Variants in IRAK1 observed in about 807,000 individuals in gnomAD.
IRAK1 encodes interleukin 1 receptor associated kinase 1, also known as interleukin-1 receptor-associated kinase 1.
Under a neutral mutation model 49.8 loss-of-function variants are expected in IRAK1, and 9 were observed. The observed-to-expected ratio is 0.18, with a 90% CI of 0.11 to 0.32. The LOEUF is 0.32. IRAK1 is among the 10% of genes least tolerant of loss of function. The probability of loss-of-function intolerance (pLI) is 1.00; values close to 1 mark genes in which losing one functional copy is unlikely to be tolerated. For synonymous variants in IRAK1, 282 were observed against 270.8 expected, an observed-to-expected ratio of 1.04 and a Z score of -0.41; for missense variants, 418 against 600.5, an observed-to-expected ratio of 0.70 and a Z score of 3.18.
In IRAK1 at chrX:154,019,204, G is replaced by A. The variant is rs2065763174; in HGVS notation, c.429C>T (p.Leu143=). The A allele has an allele frequency of 8.3e-7, 1 of 1,211,150 alleles. No homozygotes were observed. The highest frequency in any genetic ancestry group is 1.1e-6 in the Non-Finnish European group (1 of 895,237). ...ACAACCGGGCCCTCTTACCTGGGGA[G>A]AGGAAGGTGGAGGCTGAGGATGGCA... ...RKLPSSASTF[L]SPAFPGSQTH... is the part of the protein sequence containing the mutation. Residue 143 remains leucine, a synonymous_variant, in exon 3 of 14, where the codon CTC becomes CTT. Coordinates refer to ENST00000369980, the MANE Select transcript of IRAK1 (RefSeq NM_001569.4).
intron 10 of IRAK1, among the ~76,000 whole-genome samples, chrX:154,015,103 C>T (rs1356812449): frequency 1.8e-5 from 2 of 112,370 alleles, no homozygotes; most frequent in Non-Finnish European, 3.8e-5. Flanking sequence ...GCAGAGCGAA[C>T]GGCACATACT....
At chrX:154,012,010 T>C (rs976433754) in intron 13 of IRAK1, 93 bp from the exon 14 acceptor site, 5 of 721,255 alleles carry the variant, frequency 6.9e-6, no homozygotes, top group Non-Finnish European at 1.0e-5. Context: ...TGCTCCCTTA[T>C]CTCCTGGGGC....
Position 154,017,001 on chromosome X carries a change from T to C in IRAK1, c.976A>G (p.Ile326Val), listed in dbSNP as rs1015682750. 2.5e-6 allele frequency: 3 copies of C among 1,210,812 alleles called. No homozygotes were observed. Among genetic ancestry groups the C allele is most frequent in the Non-Finnish European group, 3.4e-6 (3 of 894,507 alleles). Residue 326 changes from isoleucine (I) to valine (V), a missense_variant, in exon 8 of 14, where the codon ATT becomes GTT. Physicochemically the swap from Ile to Val is conservative, Grantham distance 29. This residue lies in a region of IRAK1 where 377 missense variants were observed against 499.5 expected (regional missense o/e 0.75). Transcript: ENST00000369980. ...GGGCTGTCCTGATGTAGAAACTGAA[T>C]TGCCCGGGCTGTACCCAGAAGGATG... ...LDILLGTARA[I>V]QFLHQDSPSL... is the part of the protein sequence containing the mutation.
In IRAK1 at chrX:154,011,701, A is replaced by T; in HGVS notation, c.*158T>A. 1.8e-6 allele frequency: 1 copy of T among 555,630 alleles called. No homozygotes were observed. Among genetic ancestry groups the T allele is most frequent in the Admixed American group, 2.6e-5 (1 of 38,619 alleles). 45.8% of individuals were successfully genotyped at this position (555,630 alleles called of 1,213,427 possible). A position where few individuals can be genotyped will look rare whatever the true frequency, so the allele number is the denominator to read the frequency against. ...GGTTCCACTCTGCCTGCCTATGCCC[A>T]CAGAGCCTAGAACAGCAGGGCCACC... On this transcript the variant is annotated 3_prime_UTR_variant, in exon 14 of 14. Coordinates refer to ENST00000369980, the MANE Select transcript of IRAK1 (RefSeq NM_001569.4).
rs1217087930 is a variant in IRAK1 at position 154,010,616 on chromosome X, T to C, written c.*1243A>G. ...CTGAACACAAAATCACTGTGAAGCC[T>C]GTGCTACAGCCCTGGGCTACTTTTG... On this transcript the variant is annotated 3_prime_UTR_variant, in exon 14 of 14. Coordinates refer to ENST00000369980, the MANE Select transcript of IRAK1 (RefSeq NM_001569.4). 1 of 171,673 alleles carries C rather than the reference T, an allele frequency of 5.8e-6. No homozygotes were observed. The highest frequency in any genetic ancestry group is 1.1e-5 in the Non-Finnish European group (1 of 87,799). 14.1% of individuals were successfully genotyped at this position (171,673 alleles called of 1,213,427 possible).
rs2065690403 is a variant in IRAK1 at position 154,010,579 on chromosome X, T to C, written c.*1280A>G. ...TGCCCAGCTTCACGGGGGCATGTAG[T>C]GTGACTCACGGCTGAACACAAAATC... is the stretch of plus-strand genomic sequence containing the variant. On this transcript the variant is annotated 3_prime_UTR_variant, in exon 14 of 14. Coordinates refer to ENST00000369980, the MANE Select transcript of IRAK1 (RefSeq NM_001569.4). 1 of 147,915 alleles carries C rather than the reference T, an allele frequency of 6.8e-6. No homozygotes were observed. The highest frequency in any genetic ancestry group is 1.3e-5 in the Non-Finnish European group (1 of 74,138). The allele number at this position is 147,915 out of a possible 1,213,427, so 12.2% of individuals were successfully genotyped here.
At position 154,019,651 on chromosome X, in the gene IRAK1, C is replaced by T. The variant is rs782360335; in HGVS notation, c.136+26G>A. 19 of 956,004 alleles carry T rather than the reference C, an allele frequency of 2.0e-5. 1 individual carries two copies. The highest frequency in any genetic ancestry group is 4.3e-5 in the East Asian group (1 of 23,002). The allele number at this position is 956,004 out of a possible 1,213,427, so 78.8% of individuals were successfully genotyped here. On this transcript the variant is annotated intron_variant, in intron 1 of 13. Coordinates refer to ENST00000369980, the MANE Select transcript of IRAK1 (RefSeq NM_001569.4). ...GCGCCAGGAGCCCGCGCGCCTCCCG[C>T]CCCCCGGCAGCCCGCCGCCACCCAC...
chrX:154,016,771 C>T (rs1356690381), intron 8 of IRAK1, 127 bp from the exon 9 acceptor site: 25 of 649,835 alleles, frequency 3.8e-5, no homozygotes, highest in African/African-American at 1.5e-4. Context: ...CTGCCCTGAG[C>T]GCTCCAGCTG....
At chrX:154,017,202 G>A (rs1304963680) in intron 7 of IRAK1, 135 bp from the exon 8 acceptor site, 23 of 477,668 alleles carry the variant, frequency 4.8e-5, no homozygotes, top group Non-Finnish European at 4.8e-5. Context: ...TCTGGAAAAC[G>A]AGGAGCAAAG....
rs2148639056 is a variant in IRAK1 at position 154,014,100 on chromosome X, C to G, written c.1481G>C (p.Gly494Ala). 8.4e-7 allele frequency: 1 copy of G among 1,189,590 alleles called. No individual in the cohort carries two copies. Among genetic ancestry groups the G allele is most frequent in the Non-Finnish European group, 1.1e-6 (1 of 888,469 alleles). Residue 494 changes from glycine (G) to alanine (A), a missense_variant, in exon 11 of 14, where the codon GGC (glycine) becomes GCC (alanine). By Grantham distance (60) the Gly-to-Ala change is moderately conservative (BLOSUM62 0). Coordinates refer to ENST00000369980, the MANE Select transcript of IRAK1 (RefSeq NM_001569.4). ...GTGCAGGCAGCAGCAGGCCAGCTGG[C>G]CCAGGCCCAGGCCCAGCTCAGGTGG... Reference protein sequence around the residue: ...PCPPELGLGLGQLACCCLHRR... With the variant: ...PCPPELGLGLAQLACCCLHRR...
Position 154,011,728 on chromosome X carries a change from C to T in IRAK1, c.*131G>A. 1.6e-6 allele frequency: 1 copy of T among 638,854 alleles called. No individual in the cohort carries two copies. The highest frequency in any genetic ancestry group is 2.6e-6 in the Non-Finnish European group (1 of 379,403). The allele number at this position is 638,854 out of a possible 1,213,427, so 52.6% of individuals were successfully genotyped here. ...AGAGCCTAGAACAGCAGGGCCACCTCCTTCTCTCCCCCGCGGGCATGGGCC... is the reference window on the plus strand; with the variant it reads ...AGAGCCTAGAACAGCAGGGCCACCTTCTTCTCTCCCCCGCGGGCATGGGCC... On this transcript the variant is annotated 3_prime_UTR_variant, in exon 14 of 14. Transcript: ENST00000369980.
Position 154,013,192 on chromosome X carries a change from C to A in IRAK1, c.1781G>T (p.Gly594Val). The A allele has an allele frequency of 8.3e-7, 1 of 1,209,554 alleles. No individual in the cohort carries two copies. Among genetic ancestry groups the A allele is most frequent in the East Asian group, 3.0e-5 (1 of 33,803 alleles). The change falls in exon 12 of 14, where the codon GGC becomes GTC. Residue 594 changes from glycine (G) to valine (V), a missense_variant. Gly to Val is a moderately radical substitution (Grantham distance 109, BLOSUM62 -3). Transcript: ENST00000369980. ...QPVESDESLG[G>V]LSAALRSWHL... ...CCAGGAGCGCAGGGCAGCAGAGAGG[C>A]CGCCTAGGCTCTCGTCACTCTCCAC...
chrX:154,012,024 C>T (rs967246177), intron 13 of IRAK1, 107 bp from the exon 14 acceptor site: 9 of 636,842 alleles, frequency 1.4e-5, no homozygotes, highest in Non-Finnish European at 1.7e-5. Context: ...CTGGGGCGTT[C>T]GTGGGAATTG....
chrX:154,012,790 G>A, intron 12 of IRAK1, 112 bp from the exon 13 acceptor site: 1 of 897,427 alleles, frequency 1.1e-6, no homozygotes, highest in Non-Finnish European at 1.5e-6. Flanking sequence ...TCCAAGGGCA[G>A]GGCCCAGCTC....
rs1557129491 is a variant in IRAK1, at chrX:154,017,007, G to A, written c.970C>T (p.Arg324Trp). 1 of 1,211,132 alleles carries A rather than the reference G, an allele frequency of 8.3e-7. No individual in the cohort carries two copies. Among genetic ancestry groups the A allele is most frequent in the Non-Finnish European group, 1.1e-6 (1 of 894,656 alleles). The change falls in exon 8 of 14, where the codon CGG becomes TGG. Residue 324 changes from arginine (R) to tryptophan (W), a missense_variant. Physicochemically the swap from Arg to Trp is moderately radical, Grantham distance 101. This residue lies in a region of IRAK1 where 377 missense variants were observed against 499.5 expected (regional missense o/e 0.75). Coordinates refer to ENST00000369980, the MANE Select transcript of IRAK1 (RefSeq NM_001569.4). The part of the protein sequence containing the change: ...QRLDILLGTA[R>W]AIQFLHQDSP... ...TCCTGATGTAGAAACTGAATTGCCC[G>A]GGCTGTACCCAGAAGGATGTCCAGT... is the stretch of plus-strand genomic sequence containing the variant.
chrX:154,019,122 G>C (rs1366337747), intron 3 of IRAK1, 44 bp from the exon 4 acceptor site: 2 of 1,199,277 alleles, frequency 1.7e-6, no homozygotes, highest in African/African-American at 3.5e-5. Context: ...ACCAGCAGCA[G>C]GGTCTACAGC....
chrX:154,018,233 C>G (rs1277742266), intron 6 of IRAK1, 58 bp downstream of exon 6: 2 of 1,072,953 alleles, frequency 1.9e-6, no homozygotes, highest in Non-Finnish European at 2.5e-6. Context: ...GAGCCAGGTC[C>G]TGTGGTGTGC....
Position 154,019,900 on chromosome X carries a change from C to G in IRAK1, c.-88G>C. ...GGCCGGCCGGGTCCGCGGACACTGA[C>G]TCACTTCCCCTTCGAGCCGGCCTCG... On this transcript the variant is annotated 5_prime_UTR_variant, in exon 1 of 14. Coordinates refer to ENST00000369980, the MANE Select transcript of IRAK1 (RefSeq NM_001569.4). 2.4e-6 allele frequency: 1 copy of G among 421,734 alleles called. No homozygotes were observed. Among genetic ancestry groups the G allele is most frequent in the Non-Finnish European group, 3.0e-6 (1 of 336,891 alleles). The allele number at this position is 421,734 out of a possible 1,213,427, so 34.8% of individuals were successfully genotyped here.
In IRAK1 at chrX:154,013,062, G is replaced by C. The variant is rs201425162; in HGVS notation, c.1911C>G (p.Ser637=). Residue 637 remains serine, a synonymous_variant, in exon 12 of 14, where the codon TCC becomes TCG. Transcript: ENST00000369980. ...AGCTACCTTCCACGGCTGTGGGCCG[G>C]GATCCTGGGCCACTCCCCCAGCTCG... ...GESSWGSGPG[S]RPTAVEGLAL... 76 of 1,208,754 alleles carry C rather than the reference G, an allele frequency of 6.3e-5. No homozygotes were observed. The Admixed American group carries it at 1.6e-3, about 26-fold the overall frequency.
Sources: allele counts gnomAD v4.1 joint callset (sites outside exome capture counted in the v4.1 genomes callset), GRCh38; gene constraint gnomAD v4.1.1; regional missense constraint gnomAD v4.1.1; transcripts MANE v1.5; gene names NCBI Gene and HGNC (gene_info 2026-07-23, HGNC 2026-07-21).